DNM3: variants seen among roughly 807,000 people sequenced by gnomAD.
DNM3 encodes dynamin-3.
Under a neutral mutation model 101.6 loss-of-function variants are expected in DNM3, and 47 were observed. The ratio of observed to expected loss-of-function variants is 0.46; its 90% confidence interval spans 0.37 to 0.59. The LOEUF is 0.59. DNM3 is among the 20% of genes least tolerant of loss of function. The pLI is 0.00. For missense variants in DNM3, 849 were observed against 1,085.7 expected (o/e 0.78, Z 3.06); for synonymous variants, 385 against 387.9 (o/e 0.99, Z 0.09).
chr1:171,919,616 A>G (rs994710467), intron 1 of DNM3, among the ~76,000 whole-genome samples: 2 of 152,184 alleles, frequency 1.3e-5, no homozygotes, highest in African/African-American at 2.4e-5. Flanking sequence ...TAAAAATAAA[A>G]CAAACAAAAC....
intron 4 of DNM3, among the ~76,000 whole-genome samples, chr1:172,007,637 A>G (rs2046785856): frequency 6.6e-6 from 1 of 152,012 alleles, no homozygotes; most frequent in African/African-American, 2.4e-5. Context: ...ATTATGCCCA[A>G]TTTATCAAGT....
intron 14 of DNM3, chr1:172,133,068 A>C (rs1159755591): frequency 1.2e-5 from 18 of 1,448,766 alleles, no homozygotes; most frequent in Non-Finnish European, 1.4e-5. Context: ...CAGAGGACTT[A>C]TGAAGATGAA....
intron 14 of DNM3, among the ~76,000 whole-genome samples, chr1:172,141,944 A>G (rs944103767): frequency 6.6e-6 from 1 of 152,092 alleles, no homozygotes; most frequent in African/African-American, 2.4e-5. Context: ...GTGGTGTTGA[A>G]GCTAAGGCTC....
intron 14 of DNM3, among the ~76,000 whole-genome samples, chr1:172,241,872 T>C (rs2061761324): frequency 6.6e-6 from 1 of 152,220 alleles, no homozygotes; most frequent in Admixed American, 6.5e-5. Context: ...TCTGGAACTC[T>C]GGCTGTAAGA....
chr1:172,374,867 A>G (rs1266895905), intron 17 of DNM3, among the ~76,000 whole-genome samples: 2 of 152,114 alleles, frequency 1.3e-5, no homozygotes, highest in African/African-American at 4.8e-5. Context: ...ACCTTTGTCC[A>G]TCTTTCAATC....
At chr1:172,106,788 G>C (rs1417215425) in intron 13 of DNM3, among the ~76,000 whole-genome samples, 1 of 149,618 alleles carries the variant, frequency 6.7e-6, no homozygotes, top group Non-Finnish European at 1.5e-5. Context: ...TTGGTTATTG[G>C]GAGTGATTGT....
chr1:171,940,748 C>G (rs2041756523), intron 2 of DNM3, among the ~76,000 whole-genome samples: 1 of 152,030 alleles, frequency 6.6e-6, no homozygotes, highest in Non-Finnish European at 1.5e-5. Context: ...CTATCAAAAC[C>G]CTTTTTCTTG....
At chr1:172,221,250 A>C (rs1285294254) in intron 14 of DNM3, among the ~76,000 whole-genome samples, 1 of 152,122 alleles carries the variant, frequency 6.6e-6, no homozygotes, top group Non-Finnish European at 1.5e-5. Flanking sequence ...CTATATATAA[A>C]AGATCTTCTC....
intron 14 of DNM3, among the ~76,000 whole-genome samples, chr1:172,210,614 A>G (rs1170295515): frequency 6.6e-6 from 1 of 152,130 alleles, no homozygotes; most frequent in African/African-American, 2.4e-5. Flanking sequence ...ACAAATCAAA[A>G]AGCCTATACA....
intron 4 of DNM3, among the ~76,000 whole-genome samples, chr1:172,017,281 G>A (rs909836586): frequency 6.6e-6 from 1 of 151,850 alleles, no homozygotes; most frequent in Non-Finnish European, 1.5e-5. Flanking sequence ...AGTATTCTAA[G>A]GTAGAAGCTT....
At chr1:172,245,497 G>A (rs1315440779) in intron 14 of DNM3, among the ~76,000 whole-genome samples, 1 of 152,224 alleles carries the variant, frequency 6.6e-6, no homozygotes, top group African/African-American at 2.4e-5. Context: ...GCTGGCCATG[G>A]TGGGAGCTTC....
chr1:171,862,482 A>G (rs1455573266), intron 1 of DNM3, among the ~76,000 whole-genome samples: 1 of 152,210 alleles, frequency 6.6e-6, no homozygotes, highest in East Asian at 1.9e-4. Context: ...TAAGTGAAAG[A>G]AGTCAACGCA....
At chr1:171,900,943 C>CA (rs2038260924) in intron 1 of DNM3, among the ~76,000 whole-genome samples, 1 of 92,574 alleles carries the variant, frequency 1.1e-5, no homozygotes, top group Non-Finnish European at 2.3e-5. Context: ...CCAGTCTCTA[C>CA]TAAAAAAAAA....
chr1:172,299,275 G>A (rs1356454534), intron 15 of DNM3, among the ~76,000 whole-genome samples: 1 of 152,190 alleles, frequency 6.6e-6, no homozygotes, highest in Non-Finnish European at 1.5e-5. Context: ...AGACCCTGGG[G>A]GCTTTGTGGG....
chr1:172,303,086 G>A (rs973311545), intron 15 of DNM3, among the ~76,000 whole-genome samples: 1 of 152,122 alleles, frequency 6.6e-6, no homozygotes, highest in South Asian at 2.1e-4. Flanking sequence ...ACTTCTCCAA[G>A]CAAAAGGAGC....
intron 1 of DNM3, among the ~76,000 whole-genome samples, chr1:171,904,028 C>T (rs1351289538): frequency 1.3e-5 from 2 of 152,016 alleles, no homozygotes; most frequent in Non-Finnish European, 2.9e-5. Context: ...ATTTACTAGG[C>T]TGGGCGCAGT....
intron 15 of DNM3, among the ~76,000 whole-genome samples, chr1:172,253,987 A>G (rs1018507870): frequency 1.3e-5 from 2 of 151,970 alleles, no homozygotes; most frequent in African/African-American, 4.8e-5. Context: ...TGTCATCCAG[A>G]CCGGAATACA....
Position 172,188,716 on chromosome 1 carries a change from C to T in DNM3, c.1659+57428C>T, listed in dbSNP as rs190038743. Among the ~76,000 whole-genome samples the T allele has an allele frequency of 3.5e-3, 529 of 152,166 alleles. 2 individuals carry two copies. Among genetic ancestry groups the T allele is most frequent in the African/African-American group, 0.012 (498 of 41,540 alleles). ...CTAGGATTATATATAATTGCTGCAT[C>T]ATATGGTAAGACTACGTTTAGTTTT... On this transcript the variant is annotated intron_variant, in intron 14 of 20. Transcript: ENST00000627582.
chr1:172,285,679 TAAC>T (rs2063670804), intron 15 of DNM3, among the ~76,000 whole-genome samples: 1 of 152,154 alleles, frequency 6.6e-6, no homozygotes, highest in Non-Finnish European at 1.5e-5. Context: ...TGAATTTAAA[TAAC>T]AACAATAATA....
Sources: gnomAD v4.1 joint callset for allele counts (sites outside exome capture counted in the v4.1 genomes callset) on GRCh38, gnomAD v4.1.1 for gene constraint, MANE v1.5 for transcripts, NCBI Gene and HGNC (gene_info 2026-07-23, HGNC 2026-07-21) for gene names.